Variants in C1QTNF3 observed in about 807,000 individuals in gnomAD.
C1QTNF3 encodes C1q and TNF related 3.
Under a neutral mutation model 32.6 loss-of-function variants are expected in C1QTNF3, and 26 were observed. That is an observed-to-expected ratio of 0.80 (90% CI 0.58 to 1.11). The LOEUF (loss-of-function observed/expected upper bound fraction) is 1.11, where lower values mean the gene tolerates loss of function less well. Among genes scored for constraint, C1QTNF3 ranks in the 50% least tolerant of loss-of-function variants. The pLI is 0.00. For missense variants in C1QTNF3, 362 were observed against 398.2 expected (o/e 0.91, Z 0.77); for synonymous variants, 155 against 146.0 (o/e 1.06, Z -0.44).
chr5:34,063,703 C>T, the C1QTNF3 span, among the ~76,000 whole-genome samples: 3 of 152,138 alleles, frequency 2.0e-5, no homozygotes, highest in East Asian at 5.8e-4. Context: ...GGACAAGACC[C>T]CCTGGGTTCA....
chr5:34,220,535 A>G, the C1QTNF3 span, among the ~76,000 whole-genome samples: 1 of 151,426 alleles, frequency 6.6e-6, no homozygotes, highest in African/African-American at 2.4e-5. Flanking sequence ...ACGCACAAGC[A>G]CACACACACA....
the C1QTNF3 span, among the ~76,000 whole-genome samples, chr5:34,164,517 T>C: frequency 6.6e-6 from 1 of 151,642 alleles, no homozygotes; most frequent in Admixed American, 6.6e-5. Flanking sequence ...TTTGGAAAAT[T>C]ATATTATGGA....
chr5:34,068,342 T>C, the C1QTNF3 span, among the ~76,000 whole-genome samples: 56 of 152,210 alleles, frequency 3.7e-4, 1 homozygote, highest in South Asian at 0.011. Context: ...CTGATGATTT[T>C]ATATTCTACA....
the C1QTNF3 span, among the ~76,000 whole-genome samples, chr5:34,133,366 C>T: frequency 6.6e-6 from 1 of 152,086 alleles, no homozygotes; most frequent in Non-Finnish European, 1.5e-5. Context: ...CCCTTAGCAT[C>T]TTCCTTTTTC....
chr5:34,021,692 C>T (rs1754332753), intron 5 of C1QTNF3, among the ~76,000 whole-genome samples: 1 of 152,194 alleles, frequency 6.6e-6, no homozygotes, highest in Admixed American at 6.5e-5. Flanking sequence ...CATATTCTCA[C>T]TCATAAGTGG....
chr5:34,144,870 C>G, the C1QTNF3 span, among the ~76,000 whole-genome samples: 3 of 152,138 alleles, frequency 2.0e-5, no homozygotes, highest in South Asian at 6.2e-4. Flanking sequence ...AGGCTCATGC[C>G]TGTAACCCCA....
the C1QTNF3 span, among the ~76,000 whole-genome samples, chr5:34,234,007 AC>A: frequency 5.9e-5 from 9 of 152,136 alleles, no homozygotes; most frequent in African/African-American, 2.2e-4. Flanking sequence ...TTGTATTAGT[AC>A]CCACAATATA....
the C1QTNF3 span, among the ~76,000 whole-genome samples, chr5:34,146,204 T>C: frequency 6.6e-6 from 1 of 151,936 alleles, no homozygotes; most frequent in Non-Finnish European, 1.5e-5. Flanking sequence ...AAAAAGAAGA[T>C]GACACTAATA....
At chr5:34,026,373 G>A (rs914283099) in intron 4 of C1QTNF3, among the ~76,000 whole-genome samples, 1 of 151,166 alleles carries the variant, frequency 6.6e-6, no homozygotes, top group African/African-American at 2.4e-5. Flanking sequence ...GCGGAAGCAA[G>A]GCTGTGTTTG....
At chr5:34,106,388 G>T in the C1QTNF3 span, 1 of 151,592 alleles carries the variant, frequency 6.6e-6, no homozygotes, top group East Asian at 1.9e-4. Context: ...GGCTATTAAA[G>T]GTTATTAGGA....
chr5:34,065,971 C>T, the C1QTNF3 span, among the ~76,000 whole-genome samples: 3 of 152,124 alleles, frequency 2.0e-5, no homozygotes, highest in Admixed American at 6.5e-5. Flanking sequence ...AAATGTGATA[C>T]ATATACACCA....
At chr5:34,140,510 G>A in the C1QTNF3 span, among the ~76,000 whole-genome samples, 1 of 152,200 alleles carries the variant, frequency 6.6e-6, no homozygotes, top group Non-Finnish European at 1.5e-5. Flanking sequence ...ATAAATTATT[G>A]ATAAATATTC....
chr5:34,023,885 C>T lies in C1QTNF3; in HGVS notation c.800+24G>A, dbSNP rs750600831. 17 of 1,568,574 alleles carry T rather than the reference C, an allele frequency of 1.1e-5. No homozygotes were observed. In the South Asian group the frequency reaches 1.6e-4, roughly 14 times the overall value. ...ACAAACAATGGCAGCATGGATGAGACCCATGACAGAAAAGACCACCCACCT... is the reference window on the plus strand; with the variant it reads ...ACAAACAATGGCAGCATGGATGAGATCCATGACAGAAAAGACCACCCACCT... On this transcript the variant is annotated intron_variant, in intron 5 of 5. Transcript: ENST00000382065.
chr5:34,239,288 T>G, the C1QTNF3 span: 1 of 152,152 alleles, frequency 6.6e-6, no homozygotes, highest in African/African-American at 2.4e-5. Context: ...AAATCTCATG[T>G]ATCAACATTA....
chr5:34,158,025 A>G, the C1QTNF3 span: 2 of 151,632 alleles, frequency 1.3e-5, no homozygotes, highest in African/African-American at 4.9e-5. Flanking sequence ...CTCTCCATCT[A>G]CTCATATATT....
At chr5:34,038,255 A>T (rs1754788362) in intron 1 of C1QTNF3, among the ~76,000 whole-genome samples, 1 of 152,206 alleles carries the variant, frequency 6.6e-6, no homozygotes. Context: ...CTTCAGAAAT[A>T]AGCCACGAAG....
chr5:34,058,436 G>A, the C1QTNF3 span, among the ~76,000 whole-genome samples: 23 of 152,168 alleles, frequency 1.5e-4, no homozygotes, highest in South Asian at 3.5e-3. Context: ...TCGTATTTCC[G>A]GCCAAAGTAT....
the C1QTNF3 span, among the ~76,000 whole-genome samples, chr5:34,123,630 T>A: frequency 2.0e-5 from 3 of 149,732 alleles, no homozygotes; most frequent in African/African-American, 7.4e-5. Context: ...TGCTTTTTTT[T>A]TTTCTTTGTG....
At chr5:34,025,012 G>A (rs539401705) in intron 4 of C1QTNF3, among the ~76,000 whole-genome samples, 2 of 152,302 alleles carry the variant, frequency 1.3e-5, no homozygotes, top group East Asian at 3.9e-4. Flanking sequence ...GATGAAAGTT[G>A]TAAGGGTGCC....
Sources: gnomAD v4.1 joint callset for allele counts (sites outside exome capture counted in the v4.1 genomes callset) on GRCh38, gnomAD v4.1.1 for gene constraint, MANE v1.5 for transcripts, NCBI Gene and HGNC (gene_info 2026-07-23, HGNC 2026-07-21) for gene names.